Variants in KRT6B observed in about 807,000 individuals in gnomAD.
The protein encoded by KRT6B is keratin, type II cytoskeletal 6B.
In KRT6B, 29 loss-of-function variants were observed where a neutral mutation model predicts 44.7. That is an observed-to-expected ratio of 0.65 (90% confidence interval 0.48 to 0.88). The LOEUF is 0.88. KRT6B is among the 40% of genes least tolerant of loss of function. The pLI, the probability that KRT6B is intolerant of heterozygous loss-of-function variation, is 0.00. For missense variants in KRT6B, 600 were observed against 724.0 expected (o/e 0.83, Z 1.97); for synonymous variants, 213 against 296.0 (o/e 0.72, Z 2.88).
chr12:52,449,143 A>T (rs180754422), intron 5 of KRT6B, among the ~76,000 whole-genome samples, 176 bp from the exon 6 acceptor site: 5 of 152,254 alleles, frequency 3.3e-5, no homozygotes, highest in Non-Finnish European at 7.4e-5. Context: ...GTCACAGACC[A>T]TCCTTATTAT....
In KRT6B at chr12:52,449,760, C is replaced by T. The variant is rs1331351375; in HGVS notation, c.910G>A (p.Ala304Thr). Residue 304 changes from alanine to threonine, a missense_variant and splice_region_variant, in exon 4 of 9, where the codon GCA becomes ACA. Ala to Thr is a moderately conservative substitution (Grantham distance 58, BLOSUM62 0). This residue lies in a region of KRT6B where 479 missense variants were observed against 454.2 expected (regional missense o/e 1.05). Coordinates refer to ENST00000252252, the MANE Select transcript of KRT6B (RefSeq NM_005555.4). The part of the protein sequence containing the change: ...EINFLRALYD[A>T]ELSQMQTHIS... ...AGAAGGATGGTGGAGTTGCTTACTG[C>T]ATCATACAAGGCTCTCAGGAAGTTG... is the stretch of plus-strand genomic sequence containing the variant. The T allele has an allele frequency of 6.2e-7, 1 of 1,614,058 alleles. No homozygotes were observed. Among genetic ancestry groups the T allele is most frequent in the Admixed American group, 1.7e-5 (1 of 60,016 alleles).
chr12:52,451,510 G>A, intron 1 of KRT6B, 29 bp downstream of exon 1: 1 of 1,613,478 alleles, frequency 6.2e-7, no homozygotes, highest in Non-Finnish European at 8.5e-7. Context: ...ACCCTGAAGT[G>A]CCCGATGGAG....
Position 52,447,969 on chromosome 12 carries a change from AT to A in KRT6B, c.1232del (p.Asp411ValfsTer35). On this transcript the variant is annotated frameshift_variant, in exon 7 of 9. Coordinates refer to ENST00000252252, the MANE Select transcript of KRT6B (RefSeq NM_005555.4). LOFTEE classifies it high-confidence loss of function. ...QCANLQAAIA[D>X]AEQRGEMALK... ...GGGCCATCTCCCCACGCTGCTCAGC[AT>A]CAGCAATGGCGGCCTGTAGGTTGGC... 6.2e-7 allele frequency: 1 copy of A among 1,614,184 alleles called. No individual in the cohort carries two copies. The highest frequency in any genetic ancestry group is 2.2e-5 in the East Asian group (1 of 44,866).
chr12:52,449,526 T>C lies in KRT6B; in HGVS notation c.1020A>G (p.Gln340=), dbSNP rs1940363882. 1.9e-6 allele frequency: 3 copies of C among 1,614,170 alleles called. No homozygotes were observed. Among genetic ancestry groups the C allele is most frequent in the Non-Finnish European group, 2.5e-6 (3 of 1,180,034 alleles). The change falls in exon 5 of 9, where the codon CAA becomes CAG. Residue 340 remains glutamine (Q), a synonymous_variant. Transcript: ENST00000252252. ...LDSIIAEVKA[Q]YEEIAQRSRA... ...TGCTCCTCTGAGCAATCTCCTCATA[T>C]TGGGCCTTGACCTCAGCGATGATGC...
chr12:52,447,547 A>C lies in KRT6B; in HGVS notation c.1451T>G (p.Val484Gly). 6.2e-7 allele frequency: 1 copy of C among 1,613,992 alleles called. No individual in the cohort carries two copies. Among genetic ancestry groups the C allele is most frequent in the Non-Finnish European group, 8.5e-7 (1 of 1,179,888 alleles). The stretch of plus-strand genomic sequence containing the variant: ...CAAACAAAGGTACTTACAGATGTTG[A>C]CTTGTCCAACGCCTTCGCCATTCAG... Reference protein sequence around the residue: ...CRLNGEGVGQVNISVVQSTVS... With the variant: ...CRLNGEGVGQGNISVVQSTVS... Residue 484 changes from valine (V) to glycine (G), a missense_variant, in exon 8 of 9, where the codon GTC becomes GGC. Coordinates refer to ENST00000252252, the MANE Select transcript of KRT6B (RefSeq NM_005555.4).
At position 52,447,652 on chromosome 12, in the gene KRT6B, G is replaced by A. The variant is rs1321324502; in HGVS notation, c.1425-79C>T. On this transcript the variant is annotated intron_variant, in intron 7 of 8. Transcript: ENST00000252252. ...CCTCAGTGGGTGGGAAAGTCCATGG[G>A]AAAACTTTTAGTTTTCTCCCAAGAA... 8.7e-6 allele frequency: 14 copies of A among 1,613,780 alleles called. No individual in the cohort carries two copies. In the East Asian group the frequency reaches 2.9e-4, roughly 33 times the overall value.
Position 52,452,113 on chromosome 12 carries a change from A to T in KRT6B, c.-35T>A, listed in dbSNP as rs759891347. 3.7e-6 allele frequency: 6 copies of T among 1,613,922 alleles called. No homozygotes were observed. The East Asian group carries it at 1.1e-4, about 30-fold the overall frequency. On this transcript the variant is annotated 5_prime_UTR_variant, in exon 1 of 9. Transcript: ENST00000252252. The stretch of plus-strand genomic sequence containing the variant: ...AGATGAGAGGGCTTAGGAGAGTGTG[A>T]GAGGCTGGAGGCGAGAGGGAGGAGA...
chr12:52,447,318 C>T lies in KRT6B; in HGVS notation c.1567G>A (p.Val523Ile), dbSNP rs146173634. 135 of 1,613,928 alleles carry T rather than the reference C, an allele frequency of 8.4e-5. No individual in the cohort carries two copies. Among genetic ancestry groups the T allele is most frequent in the Middle Eastern group, 1.6e-4 (1 of 6,078 alleles). ...SSYSYGSGLG[V>I]GGGFSSSSGR... ...CTGCTGGAACTAAAGCCGCCTCCAACGCCAAGACCACTGCCATAGGAGTAG... is the reference window on the plus strand; with the variant it reads ...CTGCTGGAACTAAAGCCGCCTCCAATGCCAAGACCACTGCCATAGGAGTAG... The change falls in exon 9 of 9, where the codon GTT becomes ATT. Residue 523 changes from valine (V) to isoleucine (I), a missense_variant. Val to Ile is a conservative substitution (Grantham distance 29). Coordinates refer to ENST00000252252, the MANE Select transcript of KRT6B (RefSeq NM_005555.4).
At position 52,447,430 on chromosome 12, in the gene KRT6B, G is replaced by A; in HGVS notation, c.1460-5C>T. The A allele has an allele frequency of 6.2e-7, 1 of 1,614,054 alleles. No individual in the cohort carries two copies. Among genetic ancestry groups the A allele is most frequent in the South Asian group, 1.1e-5 (1 of 91,068 alleles). On this transcript the variant is annotated splice_region_variant and splice_polypyrimidine_tract_variant and intron_variant, in intron 8 of 8. Transcript: ENST00000252252. The stretch of plus-strand genomic sequence containing the variant: ...AGACGGTGGACTGCACTACAGCTGT[G>A]GTGGGGAGGGGACAAGGACACAAGA...
intron 7 of KRT6B, 54 bp downstream of exon 7, chr12:52,447,724 C>T (rs553044027): frequency 1.5e-5 from 25 of 1,614,024 alleles, no homozygotes; most frequent in Non-Finnish European, 2.0e-5. Context: ...GTGCTCAGTG[C>T]CAGAACCTTG....
At position 52,450,354 on chromosome 12, in the gene KRT6B, C is replaced by T. The variant is rs543145197; in HGVS notation, c.755+52G>A. On this transcript the variant is annotated intron_variant, in intron 2 of 8. Coordinates refer to ENST00000252252, the MANE Select transcript of KRT6B (RefSeq NM_005555.4). The stretch of plus-strand genomic sequence containing the variant: ...GTTAGGAATCCTACACACATCTGGC[C>T]CTGGTCACCCAATAGTCTTGAAGTG... The T allele has an allele frequency of 3.8e-6, 6 of 1,594,878 alleles. 1 individual carries two copies. In the Admixed American group the frequency reaches 6.7e-5, roughly 18 times the overall value.
At chr12:52,450,739 G>C (rs2121514316) in intron 1 of KRT6B, 119 bp from the exon 2 acceptor site, 19 of 1,467,410 alleles carry the variant, frequency 1.3e-5, no homozygotes, top group Non-Finnish European at 1.5e-5. Context: ...AGTGCATGTA[G>C]AGAGGCTCAG....
rs748722642 is a variant in KRT6B, at chr12:52,447,432, TG to T, written c.1460-8del. The T allele has an allele frequency of 1.8e-4, 294 of 1,613,446 alleles. No homozygotes were observed. The highest frequency in any genetic ancestry group is 2.4e-4 in the Non-Finnish European group (280 of 1,179,842). On this transcript the variant is annotated splice_polypyrimidine_tract_variant and splice_region_variant and intron_variant, in intron 8 of 8. Coordinates refer to ENST00000252252, the MANE Select transcript of KRT6B (RefSeq NM_005555.4). ...ACGGTGGACTGCACTACAGCTGTGG[TG>T]GGGAGGGGACAAGGACACAAGAAGC...
At chr12:52,450,328 T>G (rs1940376981) in intron 2 of KRT6B, 78 bp downstream of exon 2, 1 of 1,534,140 alleles carries the variant, frequency 6.5e-7, no homozygotes, top group Non-Finnish European at 9.0e-7. Context: ...GGACATGGGT[T>G]GTTAGGAATC....
rs973202585 is a variant in KRT6B at position 52,447,019 on chromosome 12, A to G, written c.*171T>C. On this transcript the variant is annotated 3_prime_UTR_variant, in exon 9 of 9. Transcript: ENST00000252252. Reference sequence around the variant, plus strand: ...ATAACTGTTGACTTGATGGTAAGCAACAGGAGCTCAGTGGAACAGGTATTG... The same window carrying G: ...ATAACTGTTGACTTGATGGTAAGCAGCAGGAGCTCAGTGGAACAGGTATTG... 1.3e-6 allele frequency: 1 copy of G among 748,974 alleles called. No homozygotes were observed. Among genetic ancestry groups the G allele is most frequent in the Non-Finnish European group, 2.2e-6 (1 of 461,628 alleles). 46.4% of individuals were successfully genotyped at this position (748,974 alleles called of 1,614,324 possible).
At chr12:52,449,986 T>C (rs779453783) in intron 3 of KRT6B, 26 bp downstream of exon 3, 34 of 1,613,786 alleles carry the variant, frequency 2.1e-5, no homozygotes, top group Admixed American at 1.8e-4. Flanking sequence ...CTAAATGAAT[T>C]TGAACCCCTG....
chr12:52,447,102 G>T lies in KRT6B; in HGVS notation c.*88C>A. ...CCCGGGAGGGCAGGGGAGACTGGAG[G>T]CCAGGGGAGGACAAGCAACCTGAGG... On this transcript the variant is annotated 3_prime_UTR_variant, in exon 9 of 9. Coordinates refer to ENST00000252252, the MANE Select transcript of KRT6B (RefSeq NM_005555.4). 5 of 1,551,750 alleles carry T rather than the reference G, an allele frequency of 3.2e-6. No individual in the cohort carries two copies. The highest frequency in any genetic ancestry group is 2.4e-5 in the South Asian group (2 of 84,394).
intron 7 of KRT6B, 76 bp from the exon 8 acceptor site, chr12:52,447,649 T>G (rs1221126830): frequency 6.2e-7 from 1 of 1,613,796 alleles, no homozygotes; most frequent in African/African-American, 1.3e-5. Flanking sequence ...GGAAAGTCCA[T>G]GGGAAAACTT....
Position 52,446,771 on chromosome 12 carries a change from G to C in KRT6B, c.*419C>G, listed in dbSNP as rs116436520. The C allele has an allele frequency of 4.0e-6, 1 of 252,274 alleles. No individual in the cohort carries two copies. Among genetic ancestry groups the C allele is most frequent in the Non-Finnish European group, 7.6e-6 (1 of 131,162 alleles). The allele number at this position is 252,274 out of a possible 1,614,324, so 15.6% of individuals were successfully genotyped here. The stretch of plus-strand genomic sequence containing the variant: ...CACTTGCCATTCAGGGACACTGCAA[G>C]AGAAGATCAGGACAACTGACTTGTC... On this transcript the variant is annotated 3_prime_UTR_variant, in exon 9 of 9. Coordinates refer to ENST00000252252, the MANE Select transcript of KRT6B (RefSeq NM_005555.4).
Sources: allele counts gnomAD v4.1 joint callset (sites outside exome capture counted in the v4.1 genomes callset), GRCh38; gene constraint gnomAD v4.1.1; regional missense constraint gnomAD v4.1.1; transcripts MANE v1.5; gene names NCBI Gene and HGNC (gene_info 2026-07-23, HGNC 2026-07-21).